CRYBB1: variants seen among roughly 807,000 people sequenced by gnomAD.
CRYBB1 encodes beta-crystallin B1.
CRYBB1 carries 16 observed loss-of-function variants against 29.5 expected under a neutral mutation model. That is an observed-to-expected ratio of 0.54 (90% CI 0.37 to 0.82). The LOEUF is 0.82. Among genes scored for constraint, CRYBB1 ranks in the 40% least tolerant of loss-of-function variants. The pLI is 0.00. For missense variants in CRYBB1, 300 were observed against 350.5 expected (o/e 0.86, Z 1.15); for synonymous variants, 127 against 136.7 (o/e 0.93, Z 0.49).
intron 2 of CRYBB1, among the ~76,000 whole-genome samples, chr22:26,615,312 C>A (rs1341202832): frequency 1.3e-5 from 2 of 152,158 alleles, no homozygotes; most frequent in Admixed American, 1.3e-4. Flanking sequence ...CCTGCTGCCC[C>A]AGTGAGCCTC....
At chr22:26,602,845 C>A (rs552914906) in intron 4 of CRYBB1, among the ~76,000 whole-genome samples, 2 of 151,946 alleles carry the variant, frequency 1.3e-5, no homozygotes, top group Non-Finnish European at 2.9e-5. Flanking sequence ...GCCTCTAGGC[C>A]GGGTGCGATG....
intron 5 of CRYBB1, among the ~76,000 whole-genome samples, chr22:26,600,909 C>G (rs1036876988): frequency 1.3e-5 from 2 of 152,172 alleles, no homozygotes; most frequent in African/African-American, 2.4e-5. Context: ...CATTCTTTAC[C>G]TAGTATTGTT....
In CRYBB1 at chr22:26,607,939, A is replaced by G. The variant is rs1260966439; in HGVS notation, c.382T>C (p.Ser128Pro). The G allele has an allele frequency of 6.2e-7, 1 of 1,614,200 alleles. No homozygotes were observed. Among genetic ancestry groups the G allele is most frequent in the Non-Finnish European group, 8.5e-7 (1 of 1,180,034 alleles). ...KGEYPRWNTW[S>P]SSYRSDRLMS... ...AGCCGATCACTGCGGTAGCTGCTCGACCATGTGTTCCAGCGAGGGTACTCG... is the reference window on the plus strand; with the variant it reads ...AGCCGATCACTGCGGTAGCTGCTCGGCCATGTGTTCCAGCGAGGGTACTCG... The change falls in exon 4 of 6, where the codon TCG (serine) becomes CCG (proline). Residue 128 changes from serine (S) to proline (P), a missense_variant. Transcript: ENST00000647684.
chr22:26,603,178 C>G (rs964163410), intron 4 of CRYBB1, among the ~76,000 whole-genome samples: 1 of 151,226 alleles, frequency 6.6e-6, no homozygotes, highest in Non-Finnish European at 1.5e-5. Flanking sequence ...CATTTATGCA[C>G]TGGTGATCTT....
At chr22:26,609,147 A>T (rs912936867) in intron 3 of CRYBB1, among the ~76,000 whole-genome samples, 2 of 152,208 alleles carry the variant, frequency 1.3e-5, no homozygotes, top group Non-Finnish European at 2.9e-5. Context: ...TGACACTAGC[A>T]TCTTCTCCCA....
chr22:26,615,930 G>C (rs1041513083), intron 2 of CRYBB1, among the ~76,000 whole-genome samples: 1 of 152,124 alleles, frequency 6.6e-6, no homozygotes, highest in Non-Finnish European at 1.5e-5. Flanking sequence ...GGGAAAAAGA[G>C]AATAGGGACA....
intron 3 of CRYBB1, among the ~76,000 whole-genome samples, chr22:26,608,411 G>C (rs1929054005): frequency 6.9e-6 from 1 of 145,818 alleles, no homozygotes; most frequent in Admixed American, 7.2e-5. Context: ...ACGCCAGCTA[G>C]GAGAAAGGCT....
At chr22:26,607,325 A>G (rs1380133396) in intron 4 of CRYBB1, among the ~76,000 whole-genome samples, 1 of 151,960 alleles carries the variant, frequency 6.6e-6, no homozygotes, top group Non-Finnish European at 1.5e-5. Flanking sequence ...CCCGGCTACA[A>G]TATCCCTCTT....
intron 4 of CRYBB1, among the ~76,000 whole-genome samples, chr22:26,603,222 T>C (rs1928879157): frequency 6.6e-6 from 1 of 151,460 alleles, no homozygotes; most frequent in Non-Finnish European, 1.5e-5. Context: ...AGAGCCTCAG[T>C]TTGTTCATCT....
At chr22:26,613,692 C>A (rs910721652) in intron 2 of CRYBB1, among the ~76,000 whole-genome samples, 9 of 152,056 alleles carry the variant, frequency 5.9e-5, no homozygotes, top group Non-Finnish European at 1.2e-4. Flanking sequence ...ATTAACTGCA[C>A]AAATTGTACA....
intron 2 of CRYBB1, among the ~76,000 whole-genome samples, chr22:26,613,891 A>G (rs1009555448): frequency 2.0e-5 from 3 of 152,188 alleles, no homozygotes; most frequent in Admixed American, 6.5e-5. Context: ...TCAGCATGGA[A>G]CATCCCTGAG....
At chr22:26,600,056 G>C (rs907148832) in intron 5 of CRYBB1, among the ~76,000 whole-genome samples, 1 of 152,168 alleles carries the variant, frequency 6.6e-6, no homozygotes, top group African/African-American at 2.4e-5. Flanking sequence ...ATAGGACTTA[G>C]GGACTGGTTA....
chr22:26,607,754 G>C (rs1602325115), intron 4 of CRYBB1, 135 bp downstream of exon 4: 1 of 1,170,128 alleles, frequency 8.5e-7, no homozygotes, highest in Admixed American at 1.8e-5. Flanking sequence ...AAGAATCCAC[G>C]GTCCTTTGAC....
In CRYBB1 at chr22:26,599,558, G is replaced by A. The variant is rs769316916; in HGVS notation, c.691C>T (p.Arg231Cys). 6.2e-6 allele frequency: 10 copies of A among 1,614,064 alleles called. No homozygotes were observed. The highest frequency in any genetic ancestry group is 4.5e-5 in the East Asian group (2 of 44,904). The change falls in exon 6 of 6, where the codon CGC (arginine) becomes TGC (cysteine). Residue 231 changes from arginine (R) to cysteine (C), a missense_variant. Arg to Cys is a radical substitution (Grantham distance 180). Transcript: ENST00000647684. ...AGGTGCCACTGCTTGTCACGCAGGC[G>A]ACGCAGGGACTGCATCTGTGGCTGG... ...AFQPQMQSLR[R>C]LRDKQWHLEG...
chr22:26,613,018 C>T (rs1205574329), intron 2 of CRYBB1, among the ~76,000 whole-genome samples: 1 of 152,176 alleles, frequency 6.6e-6, no homozygotes, highest in Non-Finnish European at 1.5e-5. Flanking sequence ...CATTACCCAG[C>T]CCCTCCAAAG....
intron 3 of CRYBB1, among the ~76,000 whole-genome samples, chr22:26,608,545 A>G (rs1929058622): frequency 6.6e-6 from 1 of 152,180 alleles, no homozygotes; most frequent in Non-Finnish European, 1.5e-5. Context: ...ACATAATAAT[A>G]CCACTTTTGT....
At position 26,600,795 on chromosome 22, in the gene CRYBB1, T is replaced by G. The variant is rs533625239; in HGVS notation, c.575+1084A>C. On this transcript the variant is annotated intron_variant, in intron 5 of 5. Transcript: ENST00000647684. ...GTAAAGCCTGGTTTAAGTTCCATCC[T>G]CTGCAGATAAACCTTTGACCTGCCC... is the stretch of plus-strand genomic sequence containing the variant. Among the ~76,000 whole-genome samples the G allele has an allele frequency of 4.9e-4, 74 of 152,364 alleles. 1 individual carries two copies. Among genetic ancestry groups the G allele is most frequent in the African/African-American group, 1.8e-3 (73 of 41,582 alleles).
chr22:26,599,309 T>C lies in CRYBB1; in HGVS notation c.*181A>G, dbSNP rs1928748638. On this transcript the variant is annotated 3_prime_UTR_variant, in exon 6 of 6. Transcript: ENST00000647684. ...TCAGTGTTTGCTGCTTTTATTATCG[T>C]TGTAATTATTAAGAGCGAGGAAGTC... The C allele has an allele frequency of 1.6e-6, 1 of 611,382 alleles. No homozygotes were observed. Among genetic ancestry groups the C allele is most frequent in the Non-Finnish European group, 2.9e-6 (1 of 344,114 alleles). The allele number at this position is 611,382 out of a possible 1,614,324, so 37.9% of individuals were successfully genotyped here.
Position 26,599,396 on chromosome 22 carries a change from T to G in CRYBB1, c.*94A>C. On this transcript the variant is annotated 3_prime_UTR_variant, in exon 6 of 6. Coordinates refer to ENST00000647684, the MANE Select transcript of CRYBB1 (RefSeq NM_001887.4). ...TCTGTTTACAGATCCAGGAGAAATT[T>G]TGGCTTTAGGGAATTTTATTTGCCT... 1 of 1,299,630 alleles carries G rather than the reference T, an allele frequency of 7.7e-7. No individual in the cohort carries two copies. Among genetic ancestry groups the G allele is most frequent in the Non-Finnish European group, 1.1e-6 (1 of 923,280 alleles). The allele number at this position is 1,299,630 out of a possible 1,614,324, so 80.5% of individuals were successfully genotyped here.
Sources: gnomAD v4.1 joint callset for allele counts (sites outside exome capture counted in the v4.1 genomes callset) on GRCh38, gnomAD v4.1.1 for gene constraint, MANE v1.5 for transcripts, NCBI Gene and HGNC (gene_info 2026-07-23, HGNC 2026-07-21) for gene names.